Variants in ROBO1 observed in about 807,000 individuals in gnomAD.
ROBO1 encodes the protein roundabout homolog 1.
A neutral mutation model predicts 195.9 loss-of-function variants in ROBO1; 149 were observed. The observed-to-expected ratio is 0.76, with a 90% confidence interval of 0.67 to 0.87. The LOEUF (loss-of-function observed/expected upper bound fraction) is 0.87. ROBO1 is among the 40% of genes least tolerant of loss of function. The pLI, the probability that ROBO1 is intolerant of heterozygous loss-of-function variation, is 0.00. For synonymous variants in ROBO1, 816 were observed against 733.2 expected, an observed-to-expected ratio of 1.11 and a Z score of -1.82; for missense variants, 1,933 against 2,068.3, an observed-to-expected ratio of 0.93 and a Z score of 1.27.
intron 4 of ROBO1, among the ~76,000 whole-genome samples, chr3:78,778,773 T>C (rs1319032625): frequency 6.6e-6 from 1 of 152,034 alleles, no homozygotes; most frequent in Admixed American, 6.6e-5. Context: ...CTAAATTTCA[T>C]ATAGAATCAA....
chr3:78,907,638 A>C (rs2038003925), intron 4 of ROBO1, among the ~76,000 whole-genome samples: 1 of 152,070 alleles, frequency 6.6e-6, no homozygotes, highest in African/African-American at 2.4e-5. Flanking sequence ...TATTACACTC[A>C]TGAGTCATAA....
Position 78,694,512 on chromosome 3 carries a change from G to A in ROBO1, c.1046-5740C>T, listed in dbSNP as rs915988427. ...AATTCATACGTTCCCTTCAACAGGAGTGAAATAATGTCTTTATTTTTCATT... is the reference window on the plus strand; with the variant it reads ...AATTCATACGTTCCCTTCAACAGGAATGAAATAATGTCTTTATTTTTCATT... On this transcript the variant is annotated intron_variant, in intron 8 of 30. Transcript: ENST00000464233. Among the ~76,000 whole-genome samples the A allele has an allele frequency of 2.0e-5, 3 of 152,162 alleles. No individual in the cohort carries two copies. In the East Asian group the frequency reaches 5.8e-4, roughly 29 times the overall value.
At chr3:78,734,521 A>G (rs1172512717) in intron 5 of ROBO1, among the ~76,000 whole-genome samples, 2 of 151,804 alleles carry the variant, frequency 1.3e-5, no homozygotes, top group African/African-American at 2.4e-5. Context: ...TGTTCACACC[A>G]CAGCACTCCA....
chr3:79,460,917 T>C (rs1296278816), intron 2 of ROBO1, among the ~76,000 whole-genome samples: 2 of 151,944 alleles, frequency 1.3e-5, no homozygotes, highest in Non-Finnish European at 2.9e-5. Context: ...CCGGCTAATT[T>C]TTTTGTATTT....
intron 1 of ROBO1, among the ~76,000 whole-genome samples, chr3:79,640,371 C>T (rs546891278): frequency 9.5e-5 from 10 of 105,518 alleles, no homozygotes; most frequent in Non-Finnish European, 1.8e-4. Flanking sequence ...TTGCCTTCTG[C>T]CATGATGGTG....
chr3:79,641,361 A>G (rs954168785), intron 1 of ROBO1, among the ~76,000 whole-genome samples: 1 of 152,148 alleles, frequency 6.6e-6, no homozygotes, highest in African/African-American at 2.4e-5. Context: ...ATCTTTAAAA[A>G]TAATCAAATA....
intron 2 of ROBO1, among the ~76,000 whole-genome samples, chr3:79,489,070 G>A (rs1045789040): frequency 2.0e-5 from 3 of 150,696 alleles, no homozygotes; most frequent in Non-Finnish European, 3.0e-5. Flanking sequence ...TATTATTAGT[G>A]AATAAAAAAT....
intron 4 of ROBO1, among the ~76,000 whole-genome samples, chr3:78,933,107 A>G (rs915907087): frequency 6.6e-6 from 1 of 152,122 alleles, no homozygotes; most frequent in African/African-American, 2.4e-5. Flanking sequence ...TAGTTTTAAG[A>G]TAGACTATAA....
intron 1 of ROBO1, among the ~76,000 whole-genome samples, chr3:79,633,299 G>A (rs573859574): frequency 1.2e-3 from 184 of 147,764 alleles, no homozygotes; most frequent in Non-Finnish European, 2.3e-3. Flanking sequence ...TTTACCTCCC[G>A]AATAACTGGG....
At chr3:79,053,357 C>G (rs578103294) in intron 3 of ROBO1, among the ~76,000 whole-genome samples, 1 of 151,946 alleles carries the variant, frequency 6.6e-6, no homozygotes, top group Admixed American at 6.6e-5. Flanking sequence ...TATGGTCACC[C>G]CCCAATGACC....
chr3:79,249,991 G>A (rs1022374590), intron 2 of ROBO1, among the ~76,000 whole-genome samples: 3 of 152,194 alleles, frequency 2.0e-5, no homozygotes, highest in African/African-American at 7.2e-5. Flanking sequence ...GACCAGAGAA[G>A]TAAGAGAAGT....
At chr3:79,543,336 A>C (rs1942146259) in intron 2 of ROBO1, among the ~76,000 whole-genome samples, 1 of 152,060 alleles carries the variant, frequency 6.6e-6, no homozygotes, top group African/African-American at 2.4e-5. Flanking sequence ...GTTCTGCATA[A>C]TCTATGGCAT....
intron 20 of ROBO1, 100 bp from the exon 21 acceptor site, chr3:78,646,290 G>T: frequency 1.9e-6 from 2 of 1,075,688 alleles, no homozygotes; most frequent in Non-Finnish European, 2.8e-6. Context: ...AATTCCTTCT[G>T]TCTTCCTAGA....
At chr3:79,214,338 G>A (rs1394609239) in intron 2 of ROBO1, among the ~76,000 whole-genome samples, 3 of 152,038 alleles carry the variant, frequency 2.0e-5, no homozygotes, top group Admixed American at 6.6e-5. Flanking sequence ...CCCAATATAG[G>A]TGTTTTTCGC....
At chr3:79,193,826 C>T (rs541472544) in intron 2 of ROBO1, among the ~76,000 whole-genome samples, 2 of 151,138 alleles carry the variant, frequency 1.3e-5, no homozygotes, top group East Asian at 2.0e-4. Context: ...GAGACATTAG[C>T]CAACAAACAG....
At chr3:78,984,010 C>T (rs2077052844) in intron 3 of ROBO1, among the ~76,000 whole-genome samples, 1 of 152,172 alleles carries the variant, frequency 6.6e-6, no homozygotes, top group Non-Finnish European at 1.5e-5. Context: ...GCTATTCATG[C>T]ATATTATCCA....
chr3:78,836,055 A>C (rs914911682), intron 4 of ROBO1, among the ~76,000 whole-genome samples: 3 of 151,900 alleles, frequency 2.0e-5, no homozygotes, highest in Non-Finnish European at 4.4e-5. Context: ...TGCCTAAATC[A>C]ATTGATGTCT....
chr3:79,292,146 T>A lies in ROBO1; in HGVS notation c.89-166607A>T, dbSNP rs143338846. ...TTATTCTATTTGTAGCAATTGTGAA[T>A]GGGAATTCACTCATGATTTGGTTCT... On this transcript the variant is annotated intron_variant, in intron 2 of 30. Transcript: ENST00000464233. Among the ~76,000 whole-genome samples, 84 of 152,304 alleles carry A rather than the reference T, an allele frequency of 5.5e-4. 2 individuals carry two copies. In the East Asian group the frequency reaches 0.015, roughly 28 times the overall value.
intron 4 of ROBO1, among the ~76,000 whole-genome samples, chr3:78,900,884 A>G (rs1360540200): frequency 6.6e-6 from 1 of 152,220 alleles, no homozygotes; most frequent in African/African-American, 2.4e-5. Flanking sequence ...ATAATTTTAC[A>G]GTATTAATTT....
Sources: allele counts gnomAD v4.1 joint callset (sites outside exome capture counted in the v4.1 genomes callset), GRCh38; gene constraint gnomAD v4.1.1; transcripts MANE v1.5; gene names NCBI Gene and HGNC (gene_info 2026-07-23, HGNC 2026-07-21).